ANKRD55: variants seen among roughly 807,000 people sequenced by gnomAD.
ANKRD55 encodes the protein ankyrin repeat domain-containing protein 55.
In ANKRD55, 41 loss-of-function variants were observed where a neutral mutation model predicts 60.6. The ratio of observed to expected loss-of-function variants is 0.68; its 90% CI spans 0.53 to 0.88. The LOEUF (loss-of-function observed/expected upper bound fraction) is 0.88, where lower values mean the gene tolerates loss of function less well. Ranked by LOEUF, ANKRD55 falls within the 40% of genes least tolerant of loss-of-function variation. The pLI is 0.00. For synonymous variants in ANKRD55, 264 were observed against 290.3 expected (o/e 0.91, Z 0.92); for missense variants, 732 against 767.6 (o/e 0.95, Z 0.55).
chr5:56,231,653 G>GCGCGCACA (rs1267820315), intron 2 of ANKRD55, among the ~76,000 whole-genome samples: 2 of 147,978 alleles, frequency 1.4e-5, no homozygotes, highest in African/African-American at 5.0e-5. Flanking sequence ...CTGAAGGCGC[G>GCGCGCACA]CACACACACA....
At chr5:56,110,496 T>TA (rs1756651790) in intron 10 of ANKRD55, 1 of 153,612 alleles carries the variant, frequency 6.5e-6, no homozygotes, top group African/African-American at 2.4e-5. Context: ...TATATGTGGG[T>TA]AAAATATCTC....
At chr5:56,153,199 A>C (rs1338444361) in intron 6 of ANKRD55, among the ~76,000 whole-genome samples, 1 of 152,192 alleles carries the variant, frequency 6.6e-6, no homozygotes, top group Non-Finnish European at 1.5e-5. Flanking sequence ...CTCATTAATC[A>C]GGGAAAATGC....
intron 2 of ANKRD55, among the ~76,000 whole-genome samples, chr5:56,217,513 T>A (rs954621503): frequency 1.4e-4 from 21 of 152,114 alleles, no homozygotes; most frequent in African/African-American, 4.3e-4. Flanking sequence ...CTGGGCAAAG[T>A]AAATTGAAAA....
chr5:56,169,925 G>C (rs182467165), intron 5 of ANKRD55, among the ~76,000 whole-genome samples: 1 of 152,312 alleles, frequency 6.6e-6, no homozygotes, highest in Admixed American at 6.5e-5. Flanking sequence ...GCTTTCTAAA[G>C]AATGGGGACC....
chr5:56,132,866 C>T (rs949900326), intron 7 of ANKRD55, among the ~76,000 whole-genome samples: 5 of 151,808 alleles, frequency 3.3e-5, no homozygotes, highest in Admixed American at 6.6e-5. Flanking sequence ...GCAGGAGTAG[C>T]TATATATTAT....
intron 2 of ANKRD55, among the ~76,000 whole-genome samples, chr5:56,214,674 C>T (rs1447170377): frequency 6.6e-6 from 1 of 151,948 alleles, no homozygotes; most frequent in African/African-American, 2.4e-5. Flanking sequence ...TTTCAGTCTT[C>T]ACATATAAAC....
chr5:56,198,341 C>T (rs1581015814), intron 2 of ANKRD55, among the ~76,000 whole-genome samples: 1 of 151,550 alleles, frequency 6.6e-6, no homozygotes, highest in Non-Finnish European at 1.5e-5. Context: ...CTCTTGTTAC[C>T]CAGGCGTGAT....
intron 4 of ANKRD55, 54 bp downstream of exon 4, chr5:56,176,098 G>A: frequency 6.2e-7 from 1 of 1,605,502 alleles, no homozygotes; most frequent in East Asian, 2.2e-5. Flanking sequence ...ACCCCATAAT[G>A]ACACCCTTCG....
chr5:56,109,105 T>G lies in ANKRD55; in HGVS notation c.1630+2013A>C, dbSNP rs115137705. Among the ~76,000 whole-genome samples the G allele has an allele frequency of 2.5e-3, 378 of 151,114 alleles. 2 individuals carry two copies. The highest frequency in any genetic ancestry group is 8.9e-3 in the African/African-American group (367 of 41,188). ...CCCCACCGCCCAACAAAAACCCCCATTGCTGTCTTGGTCTTTCATTTTTCT... is the reference window on the plus strand; with the variant it reads ...CCCCACCGCCCAACAAAAACCCCCAGTGCTGTCTTGGTCTTTCATTTTTCT... On this transcript the variant is annotated intron_variant, in intron 10 of 11. Transcript: ENST00000341048.
rs372114678 is a variant in ANKRD55, at chr5:56,166,118, C to CTT, written c.422+4574_422+4575dup. ...TCTTTCTTTCTTTCTTTCTTTCTTT[C>CTT]TTTCTTTCTTTCTTTCTTTCTTTCT... is the stretch of plus-strand genomic sequence containing the variant. On this transcript the variant is annotated intron_variant, in intron 5 of 11. Transcript: ENST00000341048. Among the ~76,000 whole-genome samples the CTT allele has an allele frequency of 5.8e-4, 34 of 59,004 alleles. 1 individual carries two copies. The highest frequency in any genetic ancestry group is 1.9e-3 in the African/African-American group (30 of 15,752). The allele number at this position is 59,004 out of a possible 152,430, so 38.7% of individuals were successfully genotyped here.
chr5:56,162,088 A>T, intron 5 of ANKRD55: 1 of 972,190 alleles, frequency 1.0e-6, no homozygotes, highest in Non-Finnish European at 1.2e-6. Context: ...CTGGGGGAGG[A>T]GGGAAGGGCA....
At chr5:56,213,540 G>A (rs1184102810) in intron 2 of ANKRD55, among the ~76,000 whole-genome samples, 1 of 151,864 alleles carries the variant, frequency 6.6e-6, no homozygotes, top group Admixed American at 6.6e-5. Flanking sequence ...AATATTGAGG[G>A]AGATTTCCTC....
chr5:56,223,808 C>A (rs1390105313), intron 2 of ANKRD55, among the ~76,000 whole-genome samples: 1 of 152,056 alleles, frequency 6.6e-6, no homozygotes, highest in Non-Finnish European at 1.5e-5. Context: ...ATATATGCAC[C>A]CAATACAGGA....
intron 5 of ANKRD55, among the ~76,000 whole-genome samples, chr5:56,170,419 CTGAT>C (rs1242027050): frequency 5.9e-5 from 9 of 152,158 alleles, no homozygotes; most frequent in Admixed American, 5.9e-4. Context: ...AATTGACTGA[CTGAT>C]TAATGGAATG....
intron 2 of ANKRD55, among the ~76,000 whole-genome samples, chr5:56,222,197 G>A (rs1161577327): frequency 6.6e-6 from 1 of 152,160 alleles, no homozygotes; most frequent in Admixed American, 6.6e-5. Flanking sequence ...CAATATTTGT[G>A]GTTCTGCAGC....
At chr5:56,161,360 G>T (rs1239793339) in intron 5 of ANKRD55, among the ~76,000 whole-genome samples, 1 of 152,286 alleles carries the variant, frequency 6.6e-6, no homozygotes, top group African/African-American at 2.4e-5. Flanking sequence ...AGTCAATGGA[G>T]GAAATTCAGA....
intron 7 of ANKRD55, among the ~76,000 whole-genome samples, chr5:56,129,080 C>T (rs1285787737): frequency 6.6e-6 from 1 of 152,142 alleles, no homozygotes; most frequent in Non-Finnish European, 1.5e-5. Flanking sequence ...TTAGAAAACA[C>T]TAGTTTGTAA....
At chr5:56,199,877 T>C (rs973997402) in intron 2 of ANKRD55, among the ~76,000 whole-genome samples, 6 of 136,710 alleles carry the variant, frequency 4.4e-5, no homozygotes, top group Non-Finnish European at 6.2e-5. Flanking sequence ...GGTGACAGAG[T>C]GAGACTCTGT....
chr5:56,224,402 A>T (rs1308706104), intron 2 of ANKRD55, among the ~76,000 whole-genome samples: 1 of 152,228 alleles, frequency 6.6e-6, no homozygotes, highest in Non-Finnish European at 1.5e-5. Flanking sequence ...TCTAAAATTG[A>T]CACCCTAACA....
Sources: gnomAD v4.1 joint callset for allele counts (sites outside exome capture counted in the v4.1 genomes callset) on GRCh38, gnomAD v4.1.1 for gene constraint, MANE v1.5 for transcripts, NCBI Gene and HGNC (gene_info 2026-07-23, HGNC 2026-07-21) for gene names.